Variants in JAK1 observed in about 807,000 individuals in gnomAD.
JAK1 encodes tyrosine-protein kinase JAK1.
JAK1 carries 16 observed loss-of-function variants against 136.6 expected under a neutral mutation model. That is an observed-to-expected ratio of 0.12 (90% CI 0.08 to 0.18). The LOEUF is 0.18. Ranked by LOEUF, JAK1 falls within the 10% of genes least tolerant of loss-of-function variation. The probability of loss-of-function intolerance (pLI) is 1.00; values close to 1 mark genes in which losing one functional copy is unlikely to be tolerated. For missense variants in JAK1, 859 were observed against 1,450.1 expected (o/e 0.59, Z 6.62); for synonymous variants, 492 against 519.5 (o/e 0.95, Z 0.72).
At chr1:64,848,660 T>G (rs1476261688) in intron 12 of JAK1, among the ~76,000 whole-genome samples, 1 of 152,158 alleles carries the variant, frequency 6.6e-6, no homozygotes, top group Non-Finnish European at 1.5e-5. Flanking sequence ...TTCTTAATAT[T>G]TGGAAATCGA....
chr1:64,960,197 C>T (rs1646257611), intron 1 of JAK1, among the ~76,000 whole-genome samples: 1 of 152,212 alleles, frequency 6.6e-6, no homozygotes, highest in Admixed American at 6.5e-5. Flanking sequence ...CACTGCACTT[C>T]AGCCTGGGTG....
intron 21 of JAK1, 60 bp from the exon 22 acceptor site, chr1:64,838,164 A>G (rs1027595891): frequency 6.9e-7 from 1 of 1,454,826 alleles, no homozygotes; most frequent in Non-Finnish European, 9.3e-7. Context: ...TGTATTATCT[A>G]TCACTTCATC....
chr1:65,063,532 A>G (rs57310778), intron 1 of JAK1, among the ~76,000 whole-genome samples: 2 of 152,340 alleles, frequency 1.3e-5, no homozygotes, highest in East Asian at 3.9e-4. Flanking sequence ...GGCTAGGCAC[A>G]GTGGCTCATG....
chr1:64,852,385 G>T (rs1341472058), intron 11 of JAK1, among the ~76,000 whole-genome samples: 1 of 152,228 alleles, frequency 6.6e-6, no homozygotes, highest in Non-Finnish European at 1.5e-5. Flanking sequence ...GTGGGTGCCA[G>T]AAACAGGGCT....
intron 1 of JAK1, among the ~76,000 whole-genome samples, chr1:64,900,653 T>G (rs761816654): frequency 2.0e-5 from 3 of 152,164 alleles, no homozygotes; most frequent in Admixed American, 6.5e-5. Flanking sequence ...TGCAACAATC[T>G]CCTGAAAGTT....
At chr1:64,913,705 AAGGG>A (rs369849593) in intron 1 of JAK1, among the ~76,000 whole-genome samples, 652 of 35,614 alleles carry the variant, frequency 0.018, 17 homozygotes, top group East Asian at 0.046. Flanking sequence ...GGAAGGAAAG[AAGGG>A]AGGGAGGGAG....
chr1:64,874,349 G>C (rs142996910), intron 4 of JAK1, among the ~76,000 whole-genome samples: 105 of 151,804 alleles, frequency 6.9e-4, no homozygotes, highest in Non-Finnish European at 1.3e-3. Context: ...AAAAACTGAC[G>C]AACTGTGTAG....
intron 3 of JAK1, among the ~76,000 whole-genome samples, chr1:64,880,450 T>G (rs931197564): frequency 1.3e-5 from 2 of 152,220 alleles, no homozygotes; most frequent in African/African-American, 4.8e-5. Context: ...TTTATGCATA[T>G]CCACATTTGA....
intron 2 of JAK1, among the ~76,000 whole-genome samples, chr1:65,036,050 A>G (rs1289202277): frequency 6.6e-6 from 1 of 152,166 alleles, no homozygotes; most frequent in Non-Finnish European, 1.5e-5. Flanking sequence ...CCTGGGTGAC[A>G]GAGACTCTCT....
At chr1:64,952,092 T>C (rs948613812) in intron 1 of JAK1, among the ~76,000 whole-genome samples, 1 of 152,172 alleles carries the variant, frequency 6.6e-6, no homozygotes, top group African/African-American at 2.4e-5. Context: ...ACATAAAGTA[T>C]CTGAAACGCT....
In JAK1 at chr1:64,951,753, G is replaced by C. The variant is rs573671354; in HGVS notation, c.-78+14580C>G. 8.2e-4 allele frequency among the ~76,000 whole-genome samples: 119 copies of C among 145,062 alleles called. 2 individuals are homozygous for C. The highest frequency in any genetic ancestry group is 3.2e-3 in the Admixed American group (45 of 13,914). On this transcript the variant is annotated intron_variant, in intron 1 of 24. Coordinates refer to ENST00000342505, the MANE Select transcript of JAK1 (RefSeq NM_002227.4). Reference sequence around the variant, plus strand: ...TGCTCACTGCAAGCTCCACCTCCCGGGTTCACGCCATTCTCCTGCCTCAGC... The same window carrying C: ...TGCTCACTGCAAGCTCCACCTCCCGCGTTCACGCCATTCTCCTGCCTCAGC...
At chr1:64,999,730 C>G (rs1343988155) in intron 2 of JAK1, among the ~76,000 whole-genome samples, 1 of 139,046 alleles carries the variant, frequency 7.2e-6, no homozygotes. Flanking sequence ...GTGAGACCCT[C>G]TCTTTAAAAA....
intron 2 of JAK1, among the ~76,000 whole-genome samples, chr1:65,021,996 C>T (rs978045934): frequency 2.0e-5 from 3 of 152,090 alleles, no homozygotes; most frequent in Non-Finnish European, 2.9e-5. Context: ...AATAACACAA[C>T]GTTAGACTGT....
In JAK1 at chr1:64,850,129, G is replaced by A. The variant is rs574177047; in HGVS notation, c.1755+675C>T. On this transcript the variant is annotated intron_variant, in intron 12 of 24. Transcript: ENST00000342505. ...GTGCTTGCTTCTCTCCAAGGCTGCC[G>A]CACCATCTCCCTGATACCCCAACGC... is the stretch of plus-strand genomic sequence containing the variant. Among the ~76,000 whole-genome samples, 177 of 152,240 alleles carry A rather than the reference G, an allele frequency of 1.2e-3. 1 individual carries two copies. Among genetic ancestry groups the A allele is most frequent in the African/African-American group, 4.1e-3 (171 of 41,542 alleles).
At chr1:64,931,802 C>T (rs1645698194) in intron 1 of JAK1, among the ~76,000 whole-genome samples, 1 of 152,166 alleles carries the variant, frequency 6.6e-6, no homozygotes, top group Admixed American at 6.5e-5. Context: ...ACCCATGTGA[C>T]TCTCAGAAAT....
chr1:64,943,837 A>T (rs201545286), intron 1 of JAK1, among the ~76,000 whole-genome samples: 24 of 672 alleles, frequency 0.036, no homozygotes, highest in African/African-American at 0.037. Flanking sequence ...TTTAATAAAT[A>T]AAAAAAAAAA....
chr1:64,945,025 G>A (rs962180796), intron 1 of JAK1, among the ~76,000 whole-genome samples: 6 of 151,728 alleles, frequency 4.0e-5, no homozygotes, highest in East Asian at 1.9e-4. Context: ...GTCCTGAGAC[G>A]GGAACAGGAG....
intron 2 of JAK1, among the ~76,000 whole-genome samples, chr1:65,020,067 A>G (rs1232049024): frequency 4.0e-5 from 6 of 151,666 alleles, no homozygotes; most frequent in African/African-American, 1.5e-4. Context: ...CTCTACTAAA[A>G]GTATAAAATT....
rs1042092640 is a variant in JAK1, at chr1:64,984,678, T to C, written c.-78+59802A>G. Reference sequence around the variant, plus strand: ...CCATGACACAGTCCTTCCAGATCTATTTGCATCGTGTGCCTGCCCCTCAAA... The same window carrying C: ...CCATGACACAGTCCTTCCAGATCTACTTGCATCGTGTGCCTGCCCCTCAAA... On this transcript the variant is annotated intron_variant, in intron 2 of 25. Transcript: ENST00000671954. The surrounding 1 kb of genome is among the most constrained non-coding windows in gnomAD (Gnocchi z 4.1). 2 of 597,588 alleles carry C rather than the reference T, an allele frequency of 3.3e-6. No individual in the cohort carries two copies. The highest frequency in any genetic ancestry group is 3.0e-6 in the Non-Finnish European group (1 of 328,362). 37.0% of individuals were successfully genotyped at this position (597,588 alleles called of 1,614,324 possible).
Sources: gnomAD v4.1 joint callset for allele counts (sites outside exome capture counted in the v4.1 genomes callset) on GRCh38, gnomAD v4.1.1 for gene constraint, Gnocchi (gnomAD v3.1) non-coding constraint, MANE v1.5 for transcripts, NCBI Gene and HGNC (gene_info 2026-07-23, HGNC 2026-07-21) for gene names.